The following DMD variants were observed in gnomAD, a reference collection of about 807,000 sequenced individuals.
DMD encodes the protein dystrophin, also known as mutant dystrophin.
Under a neutral mutation model 330.1 loss-of-function variants are expected in DMD, and 63 were observed. That is an observed-to-expected ratio of 0.19 (90% confidence interval 0.16 to 0.24). DMD has a LOEUF of 0.24. Among genes scored for constraint, DMD ranks in the 10% least tolerant of loss-of-function variants. DMD has a pLI of 1.00. For missense variants in DMD, 3,344 were observed against 2,684.1 expected (o/e 1.25, Z -5.43); for synonymous variants, 1,223 against 959.8 (o/e 1.27, Z -5.07).
chrX:32,505,186 A>C (rs1454145730), intron 18 of DMD, among the ~76,000 whole-genome samples: 2 of 111,973 alleles, frequency 1.8e-5, no homozygotes, highest in Non-Finnish European at 3.8e-5. Flanking sequence ...GTACTAAGTT[A>C]AAAGGTTCTG....
At chrX:32,543,336 T>A (rs1487997024) in intron 17 of DMD, among the ~76,000 whole-genome samples, 1 of 111,041 alleles carries the variant, frequency 9.0e-6, no homozygotes, top group Non-Finnish European at 1.9e-5. Flanking sequence ...CACACTTTTT[T>A]TTTTTTTCCA....
At chrX:32,298,020 G>C (rs771382725) in intron 42 of DMD, among the ~76,000 whole-genome samples, 1 of 110,018 alleles carries the variant, frequency 9.1e-6, no homozygotes, top group Non-Finnish European at 1.9e-5. Flanking sequence ...TCAGAGAATG[G>C]GGTGGGTAAC....
At chrX:32,270,279 T>C (rs1391597570) in intron 43 of DMD, among the ~76,000 whole-genome samples, 1 of 112,381 alleles carries the variant, frequency 8.9e-6, no homozygotes, top group Non-Finnish European at 1.9e-5. Context: ...CTTTATGCTT[T>C]ATAATATTAC....
At chrX:31,569,855 C>T (rs1439457416) in intron 55 of DMD, among the ~76,000 whole-genome samples, 1 of 108,437 alleles carries the variant, frequency 9.2e-6, no homozygotes, top group Non-Finnish European at 1.9e-5. Flanking sequence ...ATAAAATGAC[C>T]CATTAATTCA....
chrX:32,720,395 T>A lies in DMD; in HGVS notation c.650-21102A>T, dbSNP rs374894848. ...TAGATAATTTCTATTACTTACATTTTCTTTTACAATCGTTTTTTTACTTAG... is the reference window on the plus strand; with the variant it reads ...TAGATAATTTCTATTACTTACATTTACTTTTACAATCGTTTTTTTACTTAG... On this transcript the variant is annotated intron_variant, in intron 7 of 78. Transcript: ENST00000357033. 1.2e-4 allele frequency among the ~76,000 whole-genome samples: 13 copies of A among 111,654 alleles called. No individual in the cohort carries two copies. The East Asian group carries it at 3.1e-3, about 27-fold the overall frequency.
chrX:32,738,445 C>T (rs769443433), intron 7 of DMD, among the ~76,000 whole-genome samples: 1 of 111,763 alleles, frequency 8.9e-6, no homozygotes, highest in East Asian at 2.8e-4. Flanking sequence ...TTTGCTTCTA[C>T]ATTTTAATGT....
At chrX:31,939,892 G>C (rs1391049018) in intron 45 of DMD, among the ~76,000 whole-genome samples, 1 of 111,469 alleles carries the variant, frequency 9.0e-6, no homozygotes, top group Non-Finnish European at 1.9e-5. Flanking sequence ...AATTTTGCTG[G>C]GGAAAAAACA....
At chrX:31,509,816 G>C (rs768852476) in intron 55 of DMD, among the ~76,000 whole-genome samples, 2 of 112,222 alleles carry the variant, frequency 1.8e-5, no homozygotes, top group South Asian at 7.4e-4. Context: ...TTATTGTCTA[G>C]TTTTAGCACT....
At chrX:31,628,255 A>T (rs1469050217) in intron 54 of DMD, among the ~76,000 whole-genome samples, 1 of 109,381 alleles carries the variant, frequency 9.1e-6, no homozygotes, top group Non-Finnish European at 1.9e-5. Flanking sequence ...ATACTGCCAA[A>T]TTTGAGACAA....
chrX:32,388,090 G>C (rs2097972124), intron 32 of DMD, among the ~76,000 whole-genome samples: 1 of 111,330 alleles, frequency 9.0e-6, no homozygotes, highest in Non-Finnish European at 1.9e-5. Context: ...TCTTATGAAA[G>C]AACTGCTTCA....
chrX:32,535,522 C>A (rs1384305519), intron 17 of DMD, among the ~76,000 whole-genome samples: 1 of 111,655 alleles, frequency 9.0e-6, no homozygotes, highest in African/African-American at 3.3e-5. Context: ...AATTTTCTGC[C>A]TGGCAGTCCT....
intron 2 of DMD, among the ~76,000 whole-genome samples, chrX:32,882,299 T>A (rs1293423183): frequency 8.9e-6 from 1 of 111,753 alleles, no homozygotes; most frequent in Non-Finnish European, 1.9e-5. Context: ...CTAGGAGCGG[T>A]AGCTACTTTG....
intron 2 of DMD, among the ~76,000 whole-genome samples, chrX:32,942,809 T>C (rs1275754996): frequency 9.0e-6 from 1 of 111,556 alleles, no homozygotes; most frequent in African/African-American, 3.3e-5. Flanking sequence ...CAACTCAACA[T>C]AAAATTAAAA....
chrX:31,676,898 A>T (rs2082109978), intron 53 of DMD, among the ~76,000 whole-genome samples: 1 of 112,229 alleles, frequency 8.9e-6, no homozygotes, highest in African/African-American at 3.2e-5. Flanking sequence ...CAAGAAATGG[A>T]TGAAAAAATT....
chrX:32,866,730 G>A (rs919260604), intron 2 of DMD, among the ~76,000 whole-genome samples: 194 of 32,819 alleles, frequency 5.9e-3, no homozygotes, highest in Non-Finnish European at 9.7e-3. Flanking sequence ...TTTTTGGGGG[G>A]GGGTGGGGGG....
Position 31,169,432 on chromosome X carries a change from A to G in DMD, c.10553+11T>C, listed in dbSNP as rs1420461241. 1.7e-6 allele frequency: 2 copies of G among 1,196,388 alleles called. No individual in the cohort carries two copies. The highest frequency in any genetic ancestry group is 5.9e-5 in the East Asian group (2 of 33,718). The stretch of plus-strand genomic sequence containing the variant: ...CTGCATACCAATGACAAAGCTAGAA[A>G]GAAAACTCACCTGTTTTCTTCCTCA... On this transcript the variant is annotated intron_variant, in intron 74 of 78. Coordinates refer to ENST00000357033, the MANE Select transcript of DMD (RefSeq NM_004006.3).
intron 1 of DMD, among the ~76,000 whole-genome samples, chrX:33,280,085 C>T (rs1260910586): frequency 2.0e-5 from 2 of 101,586 alleles, no homozygotes; most frequent in African/African-American, 3.5e-5. Flanking sequence ...TGGGCTCAAG[C>T]GATTCTCATG....
chrX:33,139,868 TAAAAAAAAAAA>T (rs3990971), intron 1 of DMD, among the ~76,000 whole-genome samples: 6 of 64,379 alleles, frequency 9.3e-5, no homozygotes, highest in African/African-American at 4.0e-4. Context: ...GCCCCATCGC[TAAAAAAAAAAA>T]AAAAAAAAAA....
chrX:31,138,624 G>GGAGAGGGAGAGAGA (rs2035559525), intron 76 of DMD, among the ~76,000 whole-genome samples: 1 of 58,766 alleles, frequency 1.7e-5, no homozygotes, highest in African/African-American at 7.5e-5. Flanking sequence ...CATGGCAGCA[G>GGAGAGGGAGAGAGA]GAGAGAGAGA....
Sources: allele counts gnomAD v4.1 joint callset (sites outside exome capture counted in the v4.1 genomes callset), GRCh38; gene constraint gnomAD v4.1.1; transcripts MANE v1.5; gene names NCBI Gene and HGNC (gene_info 2026-07-23, HGNC 2026-07-21).